The following TCF12 variants were observed in gnomAD, a reference collection of about 807,000 sequenced individuals.
TCF12 encodes the protein transcription factor 12.
A neutral mutation model predicts 86.0 loss-of-function variants in TCF12; 45 were observed. The observed-to-expected ratio is 0.52, with a 90% CI of 0.41 to 0.67. TCF12 has a LOEUF of 0.67. Ranked by LOEUF, TCF12 falls within the 30% of genes least tolerant of loss-of-function variation. The pLI is 0.00. For synonymous variants in TCF12, 330 were observed against 299.6 expected (o/e 1.10, Z -1.05); for missense variants, 881 against 859.9 (o/e 1.02, Z -0.31).
intron 5 of TCF12, among the ~76,000 whole-genome samples, chr15:57,119,274 TTTTG>T (rs1248343156): frequency 2.0e-5 from 3 of 151,522 alleles, no homozygotes; most frequent in Admixed American, 6.6e-5. Context: ...GGTTTTGTTT[TTTTG>T]TTTGTTTGTT....
rs144227234 is a variant in TCF12, at chr15:57,141,442, C to T, written c.326-24960C>T. Among the ~76,000 whole-genome samples the T allele has an allele frequency of 3.4e-4, 52 of 152,272 alleles. 1 individual carries two copies. In the East Asian group the frequency reaches 9.1e-3, roughly 27 times the overall value. On this transcript the variant is annotated intron_variant, in intron 5 of 20. Transcript: ENST00000333725. ...TCAGCTCACTGCAACCTCTGCCTCC[C>T]AGGTTCAAGTGATTCTCCTGCCTCA...
intron 3 of TCF12, among the ~76,000 whole-genome samples, chr15:56,949,124 A>C (rs993049312): frequency 6.6e-6 from 1 of 152,236 alleles, no homozygotes; most frequent in Non-Finnish European, 1.5e-5. Context: ...TCTTGATTAC[A>C]TTAAATTGTT....
In TCF12 at chr15:57,201,817, C is replaced by T. The variant is rs150470787; in HGVS notation, c.579+3992C>T. ...TCCCCTCCCATTCTCTAACTGCCAA[C>T]TCTTGTCTTTGTTCTTTGCATGTAC... On this transcript the variant is annotated intron_variant, in intron 8 of 20. Transcript: ENST00000333725. 6.6e-4 allele frequency among the ~76,000 whole-genome samples: 101 copies of T among 152,236 alleles called. No homozygotes were observed. In the East Asian group the frequency reaches 0.015, roughly 23 times the overall value.
At chr15:57,100,203 G>A (rs1468537161) in intron 5 of TCF12, among the ~76,000 whole-genome samples, 1 of 152,154 alleles carries the variant, frequency 6.6e-6, no homozygotes, top group Non-Finnish European at 1.5e-5. Context: ...GTAGGGAGGT[G>A]GATGACAGGG....
chr15:56,963,657 A>G (rs1392522365), intron 3 of TCF12, among the ~76,000 whole-genome samples: 1 of 152,238 alleles, frequency 6.6e-6, no homozygotes, highest in African/African-American at 2.4e-5. Context: ...CTGCTTTGTA[A>G]TATGAAAGGA....
At chr15:57,147,426 G>C (rs2053432649) in intron 5 of TCF12, among the ~76,000 whole-genome samples, 1 of 152,006 alleles carries the variant, frequency 6.6e-6, no homozygotes, top group Admixed American at 6.6e-5. Context: ...TCCCCAAATA[G>C]TTTGTTTTTT....
chr15:57,234,620 C>T (rs1425242111), intron 12 of TCF12, among the ~76,000 whole-genome samples: 1 of 152,088 alleles, frequency 6.6e-6, no homozygotes, highest in Non-Finnish European at 1.5e-5. Flanking sequence ...TTGAAGGAAT[C>T]CGATAGTATT....
Position 56,919,895 on chromosome 15 carries a change from C to G in TCF12, c.-19C>G. 6.2e-7 allele frequency: 1 copy of G among 1,613,924 alleles called. No individual in the cohort carries two copies. On this transcript the variant is annotated 5_prime_UTR_variant, in exon 2 of 21. Coordinates refer to ENST00000333725, the MANE Select transcript of TCF12 (RefSeq NM_207037.2). ...GAGCCCGTTTCCTCTGCCCTAGGAC[C>G]TGCTAGAAGTGGCCGAAGATGAATC...
intron 3 of TCF12, among the ~76,000 whole-genome samples, chr15:57,017,972 A>T (rs1436309238): frequency 1.3e-5 from 2 of 152,148 alleles, no homozygotes; most frequent in East Asian, 3.8e-4. Flanking sequence ...AACTCCAGGG[A>T]GTGTAAGAAT....
At chr15:57,151,479 G>C (rs2053754568) in intron 5 of TCF12, among the ~76,000 whole-genome samples, 1 of 152,034 alleles carries the variant, frequency 6.6e-6, no homozygotes, top group South Asian at 2.1e-4. Context: ...AAAGAATGCT[G>C]CTTTTGGCCA....
chr15:57,158,200 T>C (rs1454326729), intron 5 of TCF12, among the ~76,000 whole-genome samples: 1 of 151,438 alleles, frequency 6.6e-6, no homozygotes, highest in East Asian at 1.9e-4. Context: ...TTTTTTTTTT[T>C]TTCTTTGAGA....
chr15:57,147,260 A>C (rs1341274808), intron 5 of TCF12, among the ~76,000 whole-genome samples: 1 of 152,252 alleles, frequency 6.6e-6, no homozygotes, highest in African/African-American at 2.4e-5. Context: ...TAAGCTTATT[A>C]CTTCTAGAAA....
chr15:57,068,893 A>G (rs1481577978), intron 4 of TCF12, among the ~76,000 whole-genome samples: 1 of 152,180 alleles, frequency 6.6e-6, no homozygotes, highest in Non-Finnish European at 1.5e-5. Context: ...GATAATAGGT[A>G]TGAAGTATTT....
chr15:57,276,715 G>C (rs545957095), intron 19 of TCF12, among the ~76,000 whole-genome samples: 1 of 151,470 alleles, frequency 6.6e-6, no homozygotes, highest in African/African-American at 2.4e-5. Flanking sequence ...CTGGACAGTA[G>C]TACTGGATTC....
At chr15:57,044,511 C>A (rs2067101881) in intron 3 of TCF12, among the ~76,000 whole-genome samples, 1 of 152,146 alleles carries the variant, frequency 6.6e-6, no homozygotes, top group South Asian at 2.1e-4. Context: ...GGCATATATT[C>A]TACCTGTTGA....
chr15:57,201,248 C>CAAGCA (rs2057528987), intron 8 of TCF12, among the ~76,000 whole-genome samples: 1 of 151,704 alleles, frequency 6.6e-6, no homozygotes, highest in Non-Finnish European at 1.5e-5. Flanking sequence ...ACCTCACTAT[C>CAAGCA]TTATATGAGA....
At chr15:56,929,711 A>C (rs1404474254) in intron 3 of TCF12, among the ~76,000 whole-genome samples, 1 of 152,152 alleles carries the variant, frequency 6.6e-6, no homozygotes, top group Non-Finnish European at 1.5e-5. Flanking sequence ...ATATAATAAA[A>C]CAATTTGAGA....
intron 5 of TCF12, among the ~76,000 whole-genome samples, chr15:57,114,715 T>C (rs566469852): frequency 6.6e-6 from 1 of 152,284 alleles, no homozygotes; most frequent in African/African-American, 2.4e-5. Context: ...CTCAATTGTT[T>C]CTAATTTCAC....
chr15:57,268,809 TTC>T (rs2060989477), intron 18 of TCF12, among the ~76,000 whole-genome samples: 1 of 144,698 alleles, frequency 6.9e-6, no homozygotes. Context: ...AACACCACTA[TTC>T]AGAATTAACC....
Sources: gnomAD v4.1 joint callset for allele counts (sites outside exome capture counted in the v4.1 genomes callset) on GRCh38, gnomAD v4.1.1 for gene constraint, MANE v1.5 for transcripts, NCBI Gene and HGNC (gene_info 2026-07-23, HGNC 2026-07-21) for gene names.